MOSPD2: variants seen among roughly 807,000 people sequenced by gnomAD.
The protein encoded by MOSPD2 is motile sperm domain containing 2, also known as motile sperm domain-containing protein 2.
Under a neutral mutation model 41.7 loss-of-function variants are expected in MOSPD2, and 5 were observed. The ratio of observed to expected loss-of-function variants is 0.12; its 90% CI spans 0.06 to 0.25. The LOEUF (loss-of-function observed/expected upper bound fraction) is 0.25. MOSPD2 is among the 10% of genes least tolerant of loss of function. The pLI is 1.00. For missense variants in MOSPD2, 282 were observed against 375.2 expected (o/e 0.75, Z 2.05); for synonymous variants, 115 against 126.9 (o/e 0.91, Z 0.63).
intron 2 of MOSPD2, among the ~76,000 whole-genome samples, chrX:14,875,328 C>G (rs752008344): frequency 8.9e-6 from 1 of 112,218 alleles, no homozygotes; most frequent in African/African-American, 3.2e-5. Context: ...AGAATAAAAT[C>G]CCAATTCTTT....
intron 2 of MOSPD2, among the ~76,000 whole-genome samples, chrX:14,883,442 T>G (rs1328731507): frequency 8.9e-6 from 1 of 111,952 alleles, no homozygotes; most frequent in African/African-American, 3.2e-5. Flanking sequence ...CTAAAGGATT[T>G]TTTCTTCCTG....
chrX:14,911,281 C>T lies in MOSPD2; in HGVS notation c.747C>T (p.Phe249=). Reference sequence around the variant, plus strand: ...ATCCACCACTAGTAGATGATGACTTCCAGACCCCACTGTGTGAGAATGGGC... The same window carrying T: ...ATCCACCACTAGTAGATGATGACTTTCAGACCCCACTGTGTGAGAATGGGC... ...YSYPPLVDDD[F]QTPLCENGPI... is the part of the protein sequence containing the mutation. The change falls in exon 9 of 15, where the codon TTC becomes TTT. Residue 249 remains phenylalanine, a synonymous_variant. Coordinates refer to ENST00000380492, the MANE Select transcript of MOSPD2 (RefSeq NM_152581.4). The T allele has an allele frequency of 1.7e-6, 2 of 1,205,693 alleles. No individual in the cohort carries two copies. The highest frequency in any genetic ancestry group is 2.2e-6 in the Non-Finnish European group (2 of 892,060).
At chrX:14,884,381 G>T (rs928554485) in intron 2 of MOSPD2, among the ~76,000 whole-genome samples, 9 of 111,733 alleles carry the variant, frequency 8.1e-5, no homozygotes, top group African/African-American at 2.9e-4. Flanking sequence ...AATGAGGATA[G>T]AGATACTAAC....
chrX:14,882,405 G>C (rs1447262286), intron 2 of MOSPD2, among the ~76,000 whole-genome samples: 1 of 111,401 alleles, frequency 9.0e-6, no homozygotes, highest in Non-Finnish European at 1.9e-5. Context: ...AATCAGACAG[G>C]AGGAATAAGT....
At chrX:14,877,649 T>G (rs903816599) in intron 2 of MOSPD2, among the ~76,000 whole-genome samples, 5 of 106,639 alleles carry the variant, frequency 4.7e-5, no homozygotes, top group African/African-American at 1.7e-4. Flanking sequence ...CCTACAGTCT[T>G]TTTTCTATAC....
At chrX:14,873,853 G>A in intron 2 of MOSPD2, 95 bp downstream of exon 2, 1 of 683,015 alleles carries the variant, frequency 1.5e-6, no homozygotes, top group Non-Finnish European at 2.4e-6. Flanking sequence ...AGGTGTTAGG[G>A]ACCCTTTCGA....
chrX:14,915,836 G>GCTGACTCAGAGCCA, intron 12 of MOSPD2, 72 bp downstream of exon 12: 1 of 860,109 alleles, frequency 1.2e-6, no homozygotes, highest in Non-Finnish European at 1.7e-6. Flanking sequence ...CCTTGGCTCT[G>GCTGACTCAGAGCCA]AGTCAGCAGA....
At chrX:14,879,870 T>G (rs73441316) in intron 2 of MOSPD2, among the ~76,000 whole-genome samples, 314 of 110,586 alleles carry the variant, frequency 2.8e-3, no homozygotes, top group African/African-American at 9.1e-3. Context: ...TGTTGGGAGA[T>G]CTCATTGTGG....
chrX:14,899,610 GTAT>G (rs2092569680), intron 5 of MOSPD2, among the ~76,000 whole-genome samples: 1 of 52,809 alleles, frequency 1.9e-5, no homozygotes, highest in South Asian at 7.6e-4. Flanking sequence ...ACACACAAAG[GTAT>G]TATTATATAT....
chrX:14,889,681 C>T (rs1293756031), intron 2 of MOSPD2, among the ~76,000 whole-genome samples: 2 of 111,082 alleles, frequency 1.8e-5, no homozygotes, highest in African/African-American at 6.6e-5. Flanking sequence ...TTCTATTTGT[C>T]TAGGGGTAAA....
Position 14,886,948 on chromosome X carries a change from T to A in MOSPD2, c.80-5775T>A, listed in dbSNP as rs771449305. On this transcript the variant is annotated intron_variant, in intron 2 of 14. Transcript: ENST00000380492. ...GAAAGTGGAGATTCAGAATAGGTTG[T>A]GGCCAACTAGCAGAGAATAATCTTG... 1.4e-3 allele frequency among the ~76,000 whole-genome samples: 155 copies of A among 112,528 alleles called. 1 individual carries two copies. The highest frequency in any genetic ancestry group is 4.9e-3 in the African/African-American group (151 of 31,045).
At chrX:14,914,318 G>A (rs1003335642) in intron 10 of MOSPD2, among the ~76,000 whole-genome samples, 185 bp from the exon 11 acceptor site, 3 of 111,793 alleles carry the variant, frequency 2.7e-5, no homozygotes, top group Non-Finnish European at 3.8e-5. Context: ...TAAATAGTGT[G>A]CATTGAATCA....
At chrX:14,904,922 G>A (rs1251286328) in intron 7 of MOSPD2, among the ~76,000 whole-genome samples, 4 of 111,462 alleles carry the variant, frequency 3.6e-5, no homozygotes. Flanking sequence ...CACACTGTTG[G>A]TCTTTCTTCT....
chrX:14,885,757 T>A (rs1454794348), intron 2 of MOSPD2, among the ~76,000 whole-genome samples: 1 of 111,205 alleles, frequency 9.0e-6, no homozygotes, highest in African/African-American at 3.3e-5. Context: ...GACATTCTAG[T>A]CCTTTTATTA....
At chrX:14,904,241 A>G (rs1295133012) in intron 7 of MOSPD2, among the ~76,000 whole-genome samples, 1 of 111,931 alleles carries the variant, frequency 8.9e-6, no homozygotes, top group Non-Finnish European at 1.9e-5. Context: ...AACAGCCCTC[A>G]ACGAAGTACT....
chrX:14,899,936 T>C (rs1217603702), intron 5 of MOSPD2, among the ~76,000 whole-genome samples: 1 of 111,311 alleles, frequency 9.0e-6, no homozygotes, highest in Non-Finnish European at 1.9e-5. Flanking sequence ...TAGCTATGTT[T>C]GTAGTCTCCC....
chrX:14,906,007 A>T (rs919123886), intron 7 of MOSPD2, among the ~76,000 whole-genome samples: 4 of 111,867 alleles, frequency 3.6e-5, no homozygotes, highest in South Asian at 3.7e-4. Context: ...AGAGGTCAAC[A>T]CTTCCCAAAT....
intron 5 of MOSPD2, among the ~76,000 whole-genome samples, chrX:14,899,420 G>A (rs1367523373): frequency 9.3e-6 from 1 of 108,101 alleles, no homozygotes; most frequent in Non-Finnish European, 1.9e-5. Flanking sequence ...TTATATAACT[G>A]GTTCTTTTCA....
chrX:14,914,009 CT>C (rs1333908046), intron 10 of MOSPD2, among the ~76,000 whole-genome samples: 1 of 112,063 alleles, frequency 8.9e-6, no homozygotes, highest in Non-Finnish European at 1.9e-5. Flanking sequence ...TTCCCTATTA[CT>C]TAGAAAAGCT....
Sources: gnomAD v4.1 joint callset for allele counts (sites outside exome capture counted in the v4.1 genomes callset) on GRCh38, gnomAD v4.1.1 for gene constraint, MANE v1.5 for transcripts, NCBI Gene and HGNC (gene_info 2026-07-23, HGNC 2026-07-21) for gene names.